Variants in RASGEF1A observed in about 807,000 individuals in gnomAD.
RASGEF1A encodes ras-GEF domain-containing family member 1A.
In RASGEF1A, 18 loss-of-function variants were observed where a neutral mutation model predicts 56.4. The ratio of observed to expected loss-of-function variants is 0.32; its 90% confidence interval spans 0.22 to 0.47. The LOEUF (loss-of-function observed/expected upper bound fraction) is 0.47. Ranked by LOEUF, RASGEF1A falls within the 20% of genes least tolerant of loss-of-function variation. The probability of loss-of-function intolerance (pLI) is 1.00; values close to 1 mark genes in which losing one functional copy is unlikely to be tolerated. For missense variants in RASGEF1A, 422 were observed against 627.1 expected (o/e 0.67, Z 3.49); for synonymous variants, 245 against 242.6 (o/e 1.01, Z -0.09).
chr10:43,262,334 C>T (rs1285910205), intron 1 of RASGEF1A, among the ~76,000 whole-genome samples: 1 of 152,202 alleles, frequency 6.6e-6, no homozygotes, highest in Admixed American at 6.5e-5. Context: ...GAGGGTGACA[C>T]TTGGAGAAAC....
rs1254968 is a variant in RASGEF1A, at chr10:43,196,243, C to T, written c.*1G>A. 0.18 allele frequency: 295,457 copies of T among 1,612,532 alleles called. 31,125 individuals carry two copies. Among genetic ancestry groups the T allele is most frequent in the East Asian group, 0.5 (22,560 of 44,788 alleles). ...CTCTGGCGTCGCGGGCTGCATCCGCCTCAGGCTCTGTTCAGAAGGGTGGTC... is the reference window on the plus strand; with the variant it reads ...CTCTGGCGTCGCGGGCTGCATCCGCTTCAGGCTCTGTTCAGAAGGGTGGTC... On this transcript the variant is annotated 3_prime_UTR_variant, in exon 13 of 13. Transcript: ENST00000395810. This position sits in a 1 kb window ranked among gnomAD's most constrained non-coding sequence, Gnocchi z 4.6.
At chr10:43,234,834 T>G (rs944025275) in intron 1 of RASGEF1A, among the ~76,000 whole-genome samples, 6 of 152,162 alleles carry the variant, frequency 3.9e-5, no homozygotes, top group African/African-American at 1.2e-4. Context: ...CAGAGGCTCC[T>G]CAGACAGCCC....
chr10:43,261,986 C>T (rs1056413206), intron 1 of RASGEF1A, among the ~76,000 whole-genome samples: 2 of 152,284 alleles, frequency 1.3e-5, no homozygotes, highest in African/African-American at 4.8e-5. Context: ...CTGGGCATGT[C>T]TCCCCAGGCC....
intron 1 of RASGEF1A, among the ~76,000 whole-genome samples, chr10:43,223,519 A>G (rs1840235482): frequency 6.6e-6 from 1 of 152,234 alleles, no homozygotes; most frequent in African/African-American, 2.4e-5. Flanking sequence ...TCAATAATGT[A>G]TTGAAGTAAA....
chr10:43,203,611 C>T, intron 2 of RASGEF1A, 191 bp from the exon 3 acceptor site: 3 of 1,230,176 alleles, frequency 2.4e-6, no homozygotes, highest in South Asian at 1.7e-5. Context: ...GCCCTGCCTA[C>T]CTAGGAGGCA....
At chr10:43,221,839 T>A (rs1840212713) in intron 1 of RASGEF1A, among the ~76,000 whole-genome samples, 1 of 152,156 alleles carries the variant, frequency 6.6e-6, no homozygotes, top group Non-Finnish European at 1.5e-5. Context: ...GAGGCCCTGC[T>A]CTCCACTTCC....
Position 43,200,802 on chromosome 10 carries a change from C to A in RASGEF1A, c.546G>T (p.Leu182=). ...CAGCCGGTGGCCGGAGCTTCTCTCG[C>A]AGTTCCTGGAGCTGGCTCCGGGCAG... is the stretch of plus-strand genomic sequence containing the variant. ...SLAARSQLQE[L]REKLRPPAVD... is the part of the protein sequence containing the mutation. Residue 182 remains leucine, a synonymous_variant, in exon 5 of 13, where the codon CTG becomes CTT. Transcript: ENST00000395810. 6.2e-7 allele frequency: 1 copy of A among 1,613,938 alleles called. No individual in the cohort carries two copies. Among genetic ancestry groups the A allele is most frequent in the Non-Finnish European group, 8.5e-7 (1 of 1,180,036 alleles).
intron 1 of RASGEF1A, among the ~76,000 whole-genome samples, chr10:43,237,882 C>T (rs1471640519): frequency 1.3e-5 from 2 of 152,210 alleles, no homozygotes; most frequent in African/African-American, 2.4e-5. Flanking sequence ...TCCTCTCCCA[C>T]AGGGAATAGA....
intron 1 of RASGEF1A, among the ~76,000 whole-genome samples, chr10:43,215,913 T>C (rs1840130812): frequency 6.6e-6 from 1 of 152,000 alleles, no homozygotes; most frequent in Non-Finnish European, 1.5e-5. Context: ...CCTGTGGAGG[T>C]GAGGCCTCAG....
chr10:43,250,185 A>G (rs572932738), intron 1 of RASGEF1A, among the ~76,000 whole-genome samples: 110 of 152,346 alleles, frequency 7.2e-4, no homozygotes, highest in African/African-American at 2.5e-3. Context: ...CCCTTGGCCA[A>G]TGCGCAGTCT....
At chr10:43,204,885 C>T (rs1472182701) in intron 2 of RASGEF1A, among the ~76,000 whole-genome samples, 1 of 152,216 alleles carries the variant, frequency 6.6e-6, no homozygotes, top group East Asian at 1.9e-4. Context: ...GGGCCTTGGG[C>T]CCCTCCCCTG....
At position 43,195,628 on chromosome 10, in the gene RASGEF1A, C is replaced by G. The variant is rs1205212814; in HGVS notation, c.*616G>C. On this transcript the variant is annotated 3_prime_UTR_variant, in exon 13 of 13. Coordinates refer to ENST00000395810, the MANE Select transcript of RASGEF1A (RefSeq NM_145313.4). This position sits in a 1 kb window ranked among gnomAD's most constrained non-coding sequence, Gnocchi z 4.2. ...TGCCCCTCCCTGACCCCACAAATCC[C>G]TGAAAGGAAAATGAAAATGTAAACT... The G allele has an allele frequency of 6.6e-6, 1 of 152,630 alleles. No individual in the cohort carries two copies. Among genetic ancestry groups the G allele is most frequent in the Non-Finnish European group, 1.5e-5 (1 of 68,060 alleles). The allele number at this position is 152,630 out of a possible 1,614,324, so 9.5% of individuals were successfully genotyped here.
rs1839906252 is a variant in RASGEF1A, at chr10:43,201,932, G to A, written c.335C>T (p.Ser112Phe). The change falls in exon 4 of 13, where the codon TCT (serine) becomes TTT (phenylalanine). Residue 112 changes from serine (S) to phenylalanine (F), a missense_variant. Coordinates refer to ENST00000395810, the MANE Select transcript of RASGEF1A (RefSeq NM_145313.4). ...GAGCTGCACGATCTTGGCTGAGAAA[G>A]ACTTCAGCTTGGCCTGGGGCAGCAG... The part of the protein sequence containing the change: ...EAGPEKAKLK[S>F]FSAKIVQLLK... 6.2e-7 allele frequency: 1 copy of A among 1,608,274 alleles called. No homozygotes were observed.
intron 1 of RASGEF1A, among the ~76,000 whole-genome samples, chr10:43,235,036 C>A (rs1486864780): frequency 2.0e-5 from 3 of 152,262 alleles, no homozygotes; most frequent in Non-Finnish European, 2.9e-5. Context: ...GGTTGTCTGG[C>A]AGCCAACCCT....
chr10:43,229,603 C>T (rs891766334), intron 1 of RASGEF1A: 1 of 1,469,494 alleles, frequency 6.8e-7, no homozygotes, highest in Non-Finnish European at 9.0e-7. Context: ...AACCCTGCCC[C>T]GCGGCCTTGC....
At position 43,203,374 on chromosome 10, in the gene RASGEF1A, G is replaced by C; in HGVS notation, c.245C>G (p.Pro82Arg). The change falls in exon 3 of 13, where the codon CCC becomes CGC. Residue 82 changes from proline to arginine, a missense_variant. Coordinates refer to ENST00000395810, the MANE Select transcript of RASGEF1A (RefSeq NM_145313.4). ...CACGCGGGCCAGCAGGTCATGAGGG[G>C]GCATAAAGACCCGGGAGCTCAGGAG... ...TFLLSSRVFM[P>R]PHDLLARVGQ... 1 of 1,588,266 alleles carries C rather than the reference G, an allele frequency of 6.3e-7. No individual in the cohort carries two copies. The highest frequency in any genetic ancestry group is 8.6e-7 in the Non-Finnish European group (1 of 1,167,702).
chr10:43,201,699 T>G, intron 4 of RASGEF1A, 109 bp downstream of exon 4: 2 of 1,178,770 alleles, frequency 1.7e-6, no homozygotes, highest in Non-Finnish European at 1.1e-6. Flanking sequence ...CCTGGGGGAG[T>G]AACATGGAAG....
rs539158109 is a variant in RASGEF1A, at chr10:43,219,192, C to T, written c.-6-13070G>A. 1.2e-3 allele frequency among the ~76,000 whole-genome samples: 188 copies of T among 152,360 alleles called. 2 individuals carry two copies. The highest frequency in any genetic ancestry group is 4.4e-3 in the African/African-American group (182 of 41,596). On this transcript the variant is annotated intron_variant, in intron 1 of 12. Transcript: ENST00000395810. ...CCCTGCTCCCCCCTCCCCTTGGCCT[C>T]GCTCCCTCTTCGGCCAACGCCATCA...
At chr10:43,247,327 G>A (rs993350838) in intron 1 of RASGEF1A, among the ~76,000 whole-genome samples, 2 of 132,430 alleles carry the variant, frequency 1.5e-5, no homozygotes, top group African/African-American at 5.7e-5. Flanking sequence ...GTAAAATTGT[G>A]CAATCTATTC....
Sources: gnomAD v4.1 joint callset for allele counts (sites outside exome capture counted in the v4.1 genomes callset) on GRCh38, gnomAD v4.1.1 for gene constraint, Gnocchi (gnomAD v3.1) non-coding constraint, MANE v1.5 for transcripts, NCBI Gene and HGNC (gene_info 2026-07-23, HGNC 2026-07-21) for gene names.